DAAM2: variants seen among roughly 807,000 people sequenced by gnomAD.
DAAM2 encodes the protein disheveled-associated activator of morphogenesis 2.
A neutral mutation model predicts 120.7 loss-of-function variants in DAAM2; 39 were observed. That is an observed-to-expected ratio of 0.32 (90% confidence interval 0.25 to 0.42). The LOEUF (loss-of-function observed/expected upper bound fraction) is 0.42. Ranked by LOEUF, DAAM2 falls within the 10% of genes least tolerant of loss-of-function variation. The probability of loss-of-function intolerance (pLI) is 1.00; values close to 1 mark genes in which losing one functional copy is unlikely to be tolerated. For missense variants in DAAM2, 1,283 were observed against 1,401.7 expected (o/e 0.92, Z 1.35); for synonymous variants, 488 against 524.9 (o/e 0.93, Z 0.96).
intron 14 of DAAM2, among the ~76,000 whole-genome samples, chr6:39,882,549 C>T (rs1010488397): frequency 6.6e-6 from 1 of 151,990 alleles, no homozygotes; most frequent in Non-Finnish European, 1.5e-5. Flanking sequence ...GGCCTCCCTG[C>T]AGATCAGACT....
At position 39,879,469 on chromosome 6, in the gene DAAM2, C is replaced by T. The variant is rs1765024935; in HGVS notation, c.1837C>T (p.Leu613=). 1.2e-6 allele frequency: 2 copies of T among 1,614,036 alleles called. No homozygotes were observed. The highest frequency in any genetic ancestry group is 1.7e-6 in the Non-Finnish European group (2 of 1,179,898). Residue 613 remains leucine, a synonymous_variant, in exon 14 of 25, where the codon CTG becomes TTG. Transcript: ENST00000274867. ...ACTGAAGTCCTTCAACTGGGTGAAG[C>T]TGAATGAGGTGAGCATCTGGGAAGG... The part of the protein sequence containing the change: ...HPLKSFNWVK[L]NEERVPGTVW...
intron 1 of DAAM2, chr6:39,793,117 G>C (rs1430713954): frequency 2.0e-5 from 3 of 152,370 alleles, no homozygotes; most frequent in Admixed American, 2.0e-4. Flanking sequence ...ACTTAACCGG[G>C]GAATGAGGGA....
rs1766614392 is a variant in DAAM2 at position 39,903,685 on chromosome 6, T to G, written c.*1648T>G. Reference sequence around the variant, plus strand: ...GGAGACTGGTGAGCTGGGCCTACTCTCAGCTGCCTATCTTCTGCCTTTCAC... The same window carrying G: ...GGAGACTGGTGAGCTGGGCCTACTCGCAGCTGCCTATCTTCTGCCTTTCAC... On this transcript the variant is annotated 3_prime_UTR_variant, in exon 25 of 25. Coordinates refer to ENST00000274867, the MANE Select transcript of DAAM2 (RefSeq NM_001201427.2). The G allele has an allele frequency of 1.2e-5, 2 of 163,978 alleles. No individual in the cohort carries two copies. The highest frequency in any genetic ancestry group is 1.7e-4 in the South Asian group (1 of 5,858). The allele number at this position is 163,978 out of a possible 1,614,324, so 10.2% of individuals were successfully genotyped here. A position where few individuals can be genotyped will look rare whatever the true frequency, so the allele number is the denominator to read the frequency against.
chr6:39,815,587 G>A (rs2114093288), intron 1 of DAAM2, among the ~76,000 whole-genome samples: 1 of 151,810 alleles, frequency 6.6e-6, no homozygotes, highest in South Asian at 2.1e-4. Context: ...TTGGTGTCAT[G>A]CAAACCACGA....
At chr6:39,893,828 TCTTC>T (rs1765900317) in intron 19 of DAAM2, among the ~76,000 whole-genome samples, 3 of 152,306 alleles carry the variant, frequency 2.0e-5, no homozygotes, top group South Asian at 4.2e-4. Context: ...GGATTCTTAT[TCTTC>T]CTTCCAGTTC....
intron 1 of DAAM2, among the ~76,000 whole-genome samples, chr6:39,816,454 C>T (rs574386109): frequency 3.3e-5 from 5 of 152,090 alleles, no homozygotes; most frequent in South Asian, 2.1e-4. Flanking sequence ...ATTAACACCC[C>T]GAGCCTCTAC....
chr6:39,830,114 C>T (rs949035445), intron 1 of DAAM2, among the ~76,000 whole-genome samples: 1 of 152,162 alleles, frequency 6.6e-6, no homozygotes, highest in African/African-American at 2.4e-5. Flanking sequence ...TTATTCACTG[C>T]CGCATCCTAC....
chr6:39,827,513 C>T (rs75208911), intron 1 of DAAM2, among the ~76,000 whole-genome samples: 7,799 of 152,112 alleles, frequency 0.051, 545 homozygotes, highest in African/African-American at 0.16. Context: ...TGGTGCTTCA[C>T]CACCCCAGGG....
At chr6:39,875,927 T>C (rs1282677431) in intron 11 of DAAM2, among the ~76,000 whole-genome samples, 7 of 152,202 alleles carry the variant, frequency 4.6e-5, no homozygotes, top group African/African-American at 1.7e-4. Context: ...CAGCTTATTG[T>C]GTATGGCCCA....
In DAAM2 at chr6:39,875,472, A is replaced by T. The variant is rs752221464; in HGVS notation, c.1301+4A>T. ...ATGTCAAGAACATCGTCAACATGTG[A>T]GCAGTGGCCAGCCTTTGCCCTGTCT... On this transcript the variant is annotated splice_donor_region_variant and intron_variant, in intron 11 of 24. Coordinates refer to ENST00000274867, the MANE Select transcript of DAAM2 (RefSeq NM_001201427.2). 6.2e-7 allele frequency: 1 copy of T among 1,612,226 alleles called. No individual in the cohort carries two copies. Among genetic ancestry groups the T allele is most frequent in the Non-Finnish European group, 8.5e-7 (1 of 1,178,954 alleles).
At chr6:39,867,334 C>T in intron 5 of DAAM2, 176 bp from the exon 6 acceptor site, 1 of 614,532 alleles carries the variant, frequency 1.6e-6, no homozygotes. Flanking sequence ...AAATAAGACA[C>T]AAGTCTTTTG....
At chr6:39,892,246 G>A (rs536124341) in intron 19 of DAAM2, among the ~76,000 whole-genome samples, 2 of 152,330 alleles carry the variant, frequency 1.3e-5, no homozygotes, top group Admixed American at 6.5e-5. Context: ...AGTTCAATGA[G>A]AACCATGCGC....
At chr6:39,824,272 TC>T (rs1762589665) in intron 1 of DAAM2, among the ~76,000 whole-genome samples, 1 of 152,122 alleles carries the variant, frequency 6.6e-6, no homozygotes, top group Admixed American at 6.5e-5. Context: ...CAATGACCTC[TC>T]CCCATCCCCC....
chr6:39,799,142 G>A (rs1262974519), intron 1 of DAAM2, among the ~76,000 whole-genome samples: 3 of 152,024 alleles, frequency 2.0e-5, no homozygotes, highest in Non-Finnish European at 2.9e-5. Flanking sequence ...TTGTGTCCTC[G>A]TCTCCCCACT....
intron 1 of DAAM2, among the ~76,000 whole-genome samples, chr6:39,803,098 A>C (rs1291252467): frequency 3.9e-5 from 6 of 152,186 alleles, no homozygotes; most frequent in Admixed American, 2.0e-4. Context: ...GTTGATGGGC[A>C]TTTGAGTGGT....
intron 1 of DAAM2, among the ~76,000 whole-genome samples, chr6:39,831,115 A>C (rs1334112113): frequency 6.6e-6 from 1 of 152,190 alleles, no homozygotes; most frequent in African/African-American, 2.4e-5. Flanking sequence ...CTTCTTTATT[A>C]CAAGGGCCTA....
At chr6:39,806,855 AG>A (rs139551186) in intron 1 of DAAM2, among the ~76,000 whole-genome samples, 90,316 of 119,234 alleles carry the variant, frequency 0.76, 35,366 homozygotes, top group Non-Finnish European at 0.89. Flanking sequence ...AAAAAAAAAA[AG>A]AAAAGAAAAA....
Position 39,891,647 on chromosome 6 carries a change from C to G in DAAM2, c.2266C>G (p.Gln756Glu), listed in dbSNP as rs1765727750. 1 of 1,611,314 alleles carries G rather than the reference C, an allele frequency of 6.2e-7. No individual in the cohort carries two copies. The highest frequency in any genetic ancestry group is 8.5e-7 in the Non-Finnish European group (1 of 1,178,814). ...CCTTGTCTACAGGATTGACCACTAC[C>G]AGCAGCGACTGCAAGCCCTCTTCTT... ...LYEMSRIDHY[Q>E]QRLQALFFKK... is the part of the protein sequence containing the mutation. Residue 756 changes from glutamine (Q) to glutamate (E), a missense_variant, in exon 19 of 25, where the codon CAG becomes GAG. Physicochemically the swap from Gln to Glu is conservative, Grantham distance 29. This residue lies in a region of DAAM2 where 748 missense variants were observed against 768.6 expected (regional missense o/e 0.97). Transcript: ENST00000274867.
chr6:39,896,568 G>A (rs547912431), intron 19 of DAAM2, among the ~76,000 whole-genome samples: 18 of 152,280 alleles, frequency 1.2e-4, no homozygotes, highest in African/African-American at 4.3e-4. Context: ...GGAAGAGCTG[G>A]CACGTCCTAC....
Sources: gnomAD v4.1 joint callset for allele counts (sites outside exome capture counted in the v4.1 genomes callset) on GRCh38, gnomAD v4.1.1 for gene constraint, gnomAD v4.1.1 regional missense constraint, MANE v1.5 for transcripts, NCBI Gene and HGNC (gene_info 2026-07-23, HGNC 2026-07-21) for gene names.